The following ATP11B variants were observed in gnomAD, a reference collection of about 807,000 sequenced individuals.
The protein encoded by ATP11B is ATPase phospholipid transporting 11B (putative).
In ATP11B, 81 loss-of-function variants were observed where a neutral mutation model predicts 157.8. The ratio of observed to expected loss-of-function variants is 0.51; its 90% CI spans 0.43 to 0.62. The LOEUF (loss-of-function observed/expected upper bound fraction) is 0.62. Ranked by LOEUF, ATP11B falls within the 20% of genes least tolerant of loss-of-function variation. The pLI is 0.00. For missense variants in ATP11B, 1,165 were observed against 1,402.2 expected (o/e 0.83, Z 2.70); for synonymous variants, 451 against 469.4 (o/e 0.96, Z 0.51).
intron 7 of ATP11B, among the ~76,000 whole-genome samples, chr3:182,837,829 A>T (rs527516722): frequency 6.6e-6 from 1 of 152,212 alleles, no homozygotes; most frequent in Non-Finnish European, 1.5e-5. Context: ...TTAACATTAC[A>T]GTTTGCTAAA....
At chr3:182,912,448 CT>C (rs11360803) in intron 28 of ATP11B, among the ~76,000 whole-genome samples, 5,404 of 146,766 alleles carry the variant, frequency 0.037, 312 homozygotes, top group African/African-American at 0.12. Flanking sequence ...CACTGACCCC[CT>C]TTTTTTTTTT....
At chr3:182,857,116 A>G (rs1277651105) in intron 10 of ATP11B, among the ~76,000 whole-genome samples, 2 of 152,168 alleles carry the variant, frequency 1.3e-5, no homozygotes, top group Non-Finnish European at 2.9e-5. Context: ...TAAAAAGTAT[A>G]TAATAATTTC....
At chr3:182,851,803 A>G (rs1720000265) in intron 10 of ATP11B, among the ~76,000 whole-genome samples, 1 of 152,222 alleles carries the variant, frequency 6.6e-6, no homozygotes, top group African/African-American at 2.4e-5. Context: ...AATTTGACCA[A>G]AAATTACATG....
At chr3:182,853,311 G>A (rs1013830555) in intron 10 of ATP11B, among the ~76,000 whole-genome samples, 6 of 152,064 alleles carry the variant, frequency 3.9e-5, no homozygotes, top group East Asian at 1.9e-4. Context: ...GGGTTCAAGC[G>A]ATTCTTTTGC....
chr3:182,818,870 T>G (rs1262844843), intron 1 of ATP11B, among the ~76,000 whole-genome samples: 1 of 151,172 alleles, frequency 6.6e-6, no homozygotes, highest in Non-Finnish European at 1.5e-5. Context: ...TATTGACCTT[T>G]TAATAACTGC....
chr3:182,834,866 A>G (rs1374703596), intron 4 of ATP11B, among the ~76,000 whole-genome samples: 2 of 152,208 alleles, frequency 1.3e-5, no homozygotes, highest in African/African-American at 4.8e-5. Context: ...TTAACTACTG[A>G]TAGTCTACTG....
At chr3:182,854,582 TAATTAAA>T (rs1253231337) in intron 10 of ATP11B, among the ~76,000 whole-genome samples, 1 of 152,182 alleles carries the variant, frequency 6.6e-6, no homozygotes, top group African/African-American at 2.4e-5. Context: ...ACAAATATAA[TAATTAAA>T]AATTGATAAA....
At chr3:182,849,779 A>G (rs917511766) in intron 10 of ATP11B, among the ~76,000 whole-genome samples, 1 of 152,174 alleles carries the variant, frequency 6.6e-6, no homozygotes, top group African/African-American at 2.4e-5. Flanking sequence ...GCTGTTTGGC[A>G]TATGTGTAAT....
rs1725234739 is a variant in ATP11B at position 182,917,790 on chromosome 3, G to A, written c.3453-233G>A. 1.4e-5 allele frequency: 14 copies of A among 984,818 alleles called. No individual in the cohort carries two copies. The South Asian group carries it at 6.1e-4, about 43-fold the overall frequency. 61.0% of individuals were successfully genotyped at this position (984,818 alleles called of 1,614,324 possible). A position where few individuals can be genotyped will look rare whatever the true frequency, so the allele number is the denominator to read the frequency against. ...AGAAACTGTTTTAATGCTAATGAAT[G>A]TTTGAATTTTGGCTAATATTTTTAT... On this transcript the variant is annotated intron_variant, in intron 29 of 29. Transcript: ENST00000323116.
chr3:182,794,001 G>C (rs1715424425), intron 1 of ATP11B, among the ~76,000 whole-genome samples: 2 of 151,958 alleles, frequency 1.3e-5, no homozygotes, highest in Non-Finnish European at 2.9e-5. Context: ...CGAGGCTGGC[G>C]CCGAGCGGCC....
intron 28 of ATP11B, among the ~76,000 whole-genome samples, chr3:182,908,205 T>C (rs913062946): frequency 4.3e-5 from 6 of 138,466 alleles, no homozygotes; most frequent in Admixed American, 2.1e-4. Context: ...TCTTTTTTTT[T>C]TTTTTTTTTT....
chr3:182,838,966 G>A (rs1718782983), intron 7 of ATP11B, among the ~76,000 whole-genome samples: 2 of 152,000 alleles, frequency 1.3e-5, no homozygotes, highest in Admixed American at 6.6e-5. Flanking sequence ...CAAAGTTGGG[G>A]CTCTCATATG....
intron 7 of ATP11B, among the ~76,000 whole-genome samples, chr3:182,839,528 A>G (rs1718829573): frequency 6.6e-6 from 1 of 152,146 alleles, no homozygotes; most frequent in African/African-American, 2.4e-5. Flanking sequence ...GGAATTGTAG[A>G]TCAAAATTTA....
At chr3:182,877,706 A>G (rs1208317030) in intron 19 of ATP11B, among the ~76,000 whole-genome samples, 1 of 152,120 alleles carries the variant, frequency 6.6e-6, no homozygotes, top group Admixed American at 6.5e-5. Context: ...AGAGGAGGGC[A>G]TATTCAAGGA....
chr3:182,914,579 G>A (rs1167503027), intron 29 of ATP11B: 2 of 985,002 alleles, frequency 2.0e-6, no homozygotes, highest in Admixed American at 6.2e-5. Context: ...GGTATTTATT[G>A]CCTAATTAAA....
At chr3:182,798,185 T>C (rs1343512412) in intron 1 of ATP11B, among the ~76,000 whole-genome samples, 1 of 152,208 alleles carries the variant, frequency 6.6e-6, no homozygotes, top group Non-Finnish European at 1.5e-5. Flanking sequence ...GAAGTCTAGA[T>C]ATCTCACTTA....
intron 28 of ATP11B, among the ~76,000 whole-genome samples, chr3:182,899,107 G>A (rs1277789040): frequency 6.7e-6 from 1 of 150,234 alleles, no homozygotes; most frequent in East Asian, 1.9e-4. Context: ...TATATATAAT[G>A]AAGATCTATA....
intron 28 of ATP11B, among the ~76,000 whole-genome samples, chr3:182,907,083 A>G (rs1371334720): frequency 7.2e-6 from 1 of 138,894 alleles, no homozygotes; most frequent in East Asian, 2.2e-4. Context: ...ACAGAGTGAG[A>G]CTCCGTCTCA....
chr3:182,920,921 CAGG>C lies in ATP11B; in HGVS notation c.*2820_*2822del, dbSNP rs1357629205. 2 of 152,286 alleles carry C rather than the reference CAGG, an allele frequency of 1.3e-5. No homozygotes were observed. Among genetic ancestry groups the C allele is most frequent in the African/African-American group, 4.8e-5 (2 of 41,460 alleles). 9.4% of individuals were successfully genotyped at this position (152,286 alleles called of 1,614,324 possible). A position where few individuals can be genotyped will look rare whatever the true frequency, so the allele number is the denominator to read the frequency against. On this transcript the variant is annotated 3_prime_UTR_variant, in exon 30 of 30. Transcript: ENST00000323116. Reference sequence around the variant, plus strand: ...AGCCACACCCAGGCCCTATCCTGAACAGGAGACTAAACAGAGGCAAATCAACCC... The same window carrying C: ...AGCCACACCCAGGCCCTATCCTGAACAGACTAAACAGAGGCAAATCAACCC...
Sources: gnomAD v4.1 joint callset for allele counts (sites outside exome capture counted in the v4.1 genomes callset) on GRCh38, gnomAD v4.1.1 for gene constraint, MANE v1.5 for transcripts, NCBI Gene and HGNC (gene_info 2026-07-23, HGNC 2026-07-21) for gene names.